MCM9: variants seen among roughly 807,000 people sequenced by gnomAD.
MCM9 encodes the protein DNA helicase MCM9.
A neutral mutation model predicts 72.8 loss-of-function variants in MCM9; 55 were observed. The observed-to-expected ratio is 0.76, with a 90% CI of 0.61 to 0.95. The LOEUF is 0.95. MCM9 is among the 40% of genes least tolerant of loss of function. The pLI is 0.00. For synonymous variants in MCM9, 480 were observed against 503.4 expected, an observed-to-expected ratio of 0.95 and a Z score of 0.62; for missense variants, 1,279 against 1,377.0, an observed-to-expected ratio of 0.93 and a Z score of 1.13.
Position 118,826,707 on chromosome 6 carries a change from T to C in MCM9, c.1815+75A>G, listed in dbSNP as rs1774190607. ...GAGCATTTTAATAACTTTTGATATGTTAATAAAGTGTCCTTTTTTAAAAAA... is the reference window on the plus strand; with the variant it reads ...GAGCATTTTAATAACTTTTGATATGCTAATAAAGTGTCCTTTTTTAAAAAA... On this transcript the variant is annotated intron_variant, in intron 12 of 13. Coordinates refer to ENST00000619706, the MANE Select transcript of MCM9 (RefSeq NM_017696.3). 11 of 1,075,408 alleles carry C rather than the reference T, an allele frequency of 1.0e-5. No individual in the cohort carries two copies. The South Asian group carries it at 1.6e-4, about 16-fold the overall frequency. 66.6% of individuals were successfully genotyped at this position (1,075,408 alleles called of 1,614,324 possible).
At position 118,815,714 on chromosome 6, in the gene MCM9, G is replaced by A. The variant is rs1336392465; in HGVS notation, c.2542C>T (p.Leu848=). 1 of 1,546,396 alleles carries A rather than the reference G, an allele frequency of 6.5e-7. No homozygotes were observed. The highest frequency in any genetic ancestry group is 2.4e-5 in the East Asian group (1 of 40,916). ...GCCCTCTCTTTGCACAGCTTCTGCA[G>A]GTTCCTGGGGACATGATGAGTCAGT... is the stretch of plus-strand genomic sequence containing the variant. ...SVLTHHVPRN[L]QKLCKERAQK... Residue 848 remains leucine, a synonymous_variant, in exon 14 of 14, where the codon CTG becomes TTG. Transcript: ENST00000619706.
chr6:118,930,313 C>T (rs868557529), intron 3 of MCM9, among the ~76,000 whole-genome samples: 35 of 152,104 alleles, frequency 2.3e-4, no homozygotes, highest in South Asian at 2.3e-3. Context: ...GGGGTTTCAC[C>T]GTGTTAGCCA....
chr6:118,909,167 A>G (rs763463424), intron 8 of MCM9: 3 of 152,234 alleles, frequency 2.0e-5, no homozygotes, highest in Non-Finnish European at 4.4e-5. Flanking sequence ...TTACTTTCCA[A>G]CAAAGAGCTC....
At chr6:118,869,327 T>C (rs1037496465) in intron 8 of MCM9, among the ~76,000 whole-genome samples, 3 of 151,934 alleles carry the variant, frequency 2.0e-5, no homozygotes, top group African/African-American at 7.3e-5. Context: ...AGTTGATGGG[T>C]GCAGCAAACC....
At chr6:118,837,851 C>A (rs748526989) in intron 9 of MCM9, among the ~76,000 whole-genome samples, 1 of 152,146 alleles carries the variant, frequency 6.6e-6, no homozygotes, top group Non-Finnish European at 1.5e-5. Flanking sequence ...GACATTTAGC[C>A]TGTTTACATT....
intron 7 of MCM9, chr6:118,912,355 T>C (rs1282401025): frequency 6.6e-6 from 1 of 152,250 alleles, no homozygotes; most frequent in East Asian, 1.9e-4. Flanking sequence ...TTTTCATTTA[T>C]GAAAATTTTA....
intron 8 of MCM9, among the ~76,000 whole-genome samples, chr6:118,871,279 A>G (rs1239328211): frequency 2.6e-5 from 4 of 152,244 alleles, no homozygotes; most frequent in Non-Finnish European, 5.9e-5. Flanking sequence ...ATCATTCACC[A>G]TAATCAGGTA....
At chr6:118,833,274 A>T (rs1774718801) in intron 9 of MCM9, among the ~76,000 whole-genome samples, 1 of 152,230 alleles carries the variant, frequency 6.6e-6, no homozygotes. Flanking sequence ...ATGAAAAGCA[A>T]TGAAGACATC....
intron 2 of MCM9, 50 bp from the exon 3 acceptor site, chr6:118,931,788 CA>C: frequency 7.2e-7 from 1 of 1,385,196 alleles, no homozygotes; most frequent in Non-Finnish European, 9.6e-7. Context: ...TCAAGATGTA[CA>C]CACAATTTAA....
chr6:118,829,204 T>G lies in MCM9; in HGVS notation c.1372A>C (p.Asn458His). 1 of 1,550,692 alleles carries G rather than the reference T, an allele frequency of 6.4e-7. No individual in the cohort carries two copies. ...NTRTTILAAT[N>H]PKGQYDPQES... ...TGGGGGTCGTACTGGCCTTTGGGGTTCGTTGCTGCCAGGATGGTGGTCCTT... is the reference window on the plus strand; with the variant it reads ...TGGGGGTCGTACTGGCCTTTGGGGTGCGTTGCTGCCAGGATGGTGGTCCTT... The change falls in exon 10 of 14, where the codon AAC becomes CAC. Residue 458 changes from asparagine to histidine, a missense_variant. Coordinates refer to ENST00000619706, the MANE Select transcript of MCM9 (RefSeq NM_017696.3).
At chr6:118,890,738 ATTT>A (rs1778889743) in intron 8 of MCM9, among the ~76,000 whole-genome samples, 1 of 152,236 alleles carries the variant, frequency 6.6e-6, no homozygotes, top group African/African-American at 2.4e-5. Flanking sequence ...TATACAGAAA[ATTT>A]TATTTAAAAC....
intron 8 of MCM9, among the ~76,000 whole-genome samples, chr6:118,865,161 A>G (rs1461204402): frequency 6.6e-6 from 1 of 152,134 alleles, no homozygotes; most frequent in Non-Finnish European, 1.5e-5. Context: ...TAAACTTCCT[A>G]TCTCTGAAAC....
At position 118,825,902 on chromosome 6, in the gene MCM9, C is replaced by T. The variant is rs115628552; in HGVS notation, c.1961+245G>A. Among the ~76,000 whole-genome samples, 678 of 152,114 alleles carry T rather than the reference C, an allele frequency of 4.5e-3. 7 individuals are homozygous for T. Among genetic ancestry groups the T allele is most frequent in the African/African-American group, 0.015 (626 of 41,492 alleles). ...CCGAGCCTGCCTGAATGTCTGATAC[C>T]CAGAAAAGTGAACACTAAAATGCTG... On this transcript the variant is annotated intron_variant, in intron 13 of 13. Transcript: ENST00000619706.
chr6:118,932,716 A>C lies in MCM9; in HGVS notation c.-125T>G. On this transcript the variant is annotated 5_prime_UTR_variant, in exon 2 of 14. It adds an upstream start codon to the 5' untranslated region. Transcript: ENST00000619706. Reference sequence around the variant, plus strand: ...CTTCTTTCTCTTTCTTACCGTAGGAAATCTACTGGGTTCTGCAGAAACAGC... The same window carrying C: ...CTTCTTTCTCTTTCTTACCGTAGGACATCTACTGGGTTCTGCAGAAACAGC... The C allele has an allele frequency of 1.6e-6, 1 of 619,768 alleles. No homozygotes were observed. The highest frequency in any genetic ancestry group is 2.0e-6 in the Non-Finnish European group (1 of 495,736). 38.4% of individuals were successfully genotyped at this position (619,768 alleles called of 1,614,324 possible).
chr6:118,913,584 A>G (rs527244149), intron 6 of MCM9, among the ~76,000 whole-genome samples, 164 bp from the exon 7 acceptor site: 1 of 152,272 alleles, frequency 6.6e-6, no homozygotes, highest in South Asian at 2.1e-4. Flanking sequence ...AGGAGGAAAT[A>G]ACTTTGTTTT....
At chr6:118,927,579 T>C (rs1179261485) in intron 3 of MCM9, among the ~76,000 whole-genome samples, 2 of 151,216 alleles carry the variant, frequency 1.3e-5, no homozygotes, top group African/African-American at 4.9e-5. Flanking sequence ...TACTCCAGAC[T>C]GGGCAACAAG....
intron 8 of MCM9, among the ~76,000 whole-genome samples, chr6:118,864,122 C>A (rs748010397): frequency 7.9e-5 from 12 of 151,594 alleles, no homozygotes; most frequent in Non-Finnish European, 1.6e-4. Flanking sequence ...TGGATGAGTT[C>A]TTTAGTGCTG....
rs1779376907 is a variant in MCM9 at position 118,895,998 on chromosome 6, T to G, written c.1150+15652A>C. ...TCTCTGTACTCAGTGCCTTGCCCTA[T>G]CTCCTTTCGGTAATCACAATTATTA... On this transcript the variant is annotated intron_variant, in intron 8 of 13. Coordinates refer to ENST00000619706, the MANE Select transcript of MCM9 (RefSeq NM_017696.3). Among the ~76,000 whole-genome samples, 3 of 151,734 alleles carry G rather than the reference T, an allele frequency of 2.0e-5. No individual in the cohort carries two copies. In the South Asian group the frequency reaches 6.2e-4, roughly 32 times the overall value.
intron 5 of MCM9, chr6:118,918,280 C>T (rs183813067): frequency 2.6e-5 from 4 of 153,704 alleles, no homozygotes; most frequent in African/African-American, 9.7e-5. Context: ...TCACTGCCCC[C>T]CCACATCTTT....
Sources: allele counts gnomAD v4.1 joint callset (sites outside exome capture counted in the v4.1 genomes callset), GRCh38; gene constraint gnomAD v4.1.1; transcripts MANE v1.5; gene names NCBI Gene and HGNC (gene_info 2026-07-23, HGNC 2026-07-21).